ZNF521: variants seen among roughly 807,000 people sequenced by gnomAD.
ZNF521 encodes LYST-interacting protein 3.
ZNF521 carries 14 observed loss-of-function variants against 105.5 expected under a neutral mutation model. That is an observed-to-expected ratio of 0.13 (90% CI 0.09 to 0.21). ZNF521 has a LOEUF of 0.21. Among genes scored for constraint, ZNF521 ranks in the 10% least tolerant of loss-of-function variants. The probability of loss-of-function intolerance (pLI) is 1.00; values close to 1 mark genes in which losing one functional copy is unlikely to be tolerated. For synonymous variants in ZNF521, 635 were observed against 606.0 expected (o/e 1.05, Z -0.70); for missense variants, 1,233 against 1,629.7 (o/e 0.76, Z 4.19).
chr18:25,105,925 T>G (rs2034063537), intron 5 of ZNF521, among the ~76,000 whole-genome samples: 1 of 152,170 alleles, frequency 6.6e-6, no homozygotes, highest in Non-Finnish European at 1.5e-5. Context: ...TAGAAAAATA[T>G]ACTTTCAGCT....
chr18:25,125,948 T>C (rs1238696713), intron 5 of ZNF521, among the ~76,000 whole-genome samples: 1 of 152,082 alleles, frequency 6.6e-6, no homozygotes, highest in African/African-American at 2.4e-5. Flanking sequence ...GCAAGCTTTT[T>C]GGCGTCAGAA....
At chr18:25,186,986 T>C (rs558418071) in intron 5 of ZNF521, among the ~76,000 whole-genome samples, 2 of 151,984 alleles carry the variant, frequency 1.3e-5, no homozygotes, top group South Asian at 4.1e-4. Flanking sequence ...CATACTTCTG[T>C]ACGTTCCATG....
chr18:25,263,426 T>A (rs781041112), intron 3 of ZNF521, among the ~76,000 whole-genome samples: 1 of 152,130 alleles, frequency 6.6e-6, no homozygotes, highest in Non-Finnish European at 1.5e-5. Flanking sequence ...GGCACGATCT[T>A]GGCTCACTGC....
At chr18:25,287,396 G>A (rs573182891) in intron 3 of ZNF521, among the ~76,000 whole-genome samples, 1 of 152,276 alleles carries the variant, frequency 6.6e-6, no homozygotes, top group Non-Finnish European at 1.5e-5. Flanking sequence ...ACTGTCAGAG[G>A]AGTTTTTGTT....
chr18:25,262,559 A>T (rs1908983659), intron 3 of ZNF521, among the ~76,000 whole-genome samples: 1 of 152,112 alleles, frequency 6.6e-6, no homozygotes, highest in African/African-American at 2.4e-5. Context: ...TTTACTGATC[A>T]TCTACTATGA....
chr18:25,182,291 T>G (rs1600128040), intron 5 of ZNF521, among the ~76,000 whole-genome samples: 1 of 152,194 alleles, frequency 6.6e-6, no homozygotes, highest in East Asian at 1.9e-4. Context: ...TAAGCTATAA[T>G]GAGTTTTTGG....
intron 3 of ZNF521, among the ~76,000 whole-genome samples, chr18:25,255,136 T>C (rs1296764845): frequency 6.6e-6 from 1 of 152,162 alleles, no homozygotes; most frequent in Non-Finnish European, 1.5e-5. Context: ...TTGTAGCATA[T>C]GCTTTTCTTG....
chr18:25,154,156 GGTTCAA>G lies in ZNF521; in HGVS notation c.3658+40998_3658+41003del, dbSNP rs553256197. Among the ~76,000 whole-genome samples the G allele has an allele frequency of 1.1e-4, 17 of 152,204 alleles. No individual in the cohort carries two copies. In the East Asian group the frequency reaches 3.3e-3, roughly 29 times the overall value. Reference sequence around the variant, plus strand: ...TGGAAAGAATTGTTGATTTCATTCTGGTTCAAGCTATTTGGGGAAAAAAGTCCCAAA... The same window carrying G: ...TGGAAAGAATTGTTGATTTCATTCTGGCTATTTGGGGAAAAAAGTCCCAAA... On this transcript the variant is annotated intron_variant, in intron 5 of 7. Transcript: ENST00000361524.
At chr18:25,079,790 G>T (rs571587007) in intron 7 of ZNF521, among the ~76,000 whole-genome samples, 4 of 152,274 alleles carry the variant, frequency 2.6e-5, no homozygotes, top group African/African-American at 9.6e-5. Flanking sequence ...TGAAGTCTTG[G>T]TGCCTGTCTC....
intron 3 of ZNF521, among the ~76,000 whole-genome samples, chr18:25,287,432 C>G (rs1474322133): frequency 1.3e-5 from 2 of 152,142 alleles, no homozygotes; most frequent in African/African-American, 4.8e-5. Context: ...CTTTACTGCA[C>G]TTATAAAAAA....
chr18:25,350,398 G>A (rs1365552595), intron 2 of ZNF521, among the ~76,000 whole-genome samples: 2 of 152,188 alleles, frequency 1.3e-5, no homozygotes, highest in Non-Finnish European at 2.9e-5. Flanking sequence ...GGGCGGGCGG[G>A]AGGCGGCGGC....
At chr18:25,289,726 T>C (rs568918813) in intron 3 of ZNF521, among the ~76,000 whole-genome samples, 1 of 152,340 alleles carries the variant, frequency 6.6e-6, no homozygotes, top group East Asian at 1.9e-4. Flanking sequence ...TAGATAGTCA[T>C]TGCCTAATTA....
chr18:25,185,870 A>T (rs1458275625), intron 5 of ZNF521, among the ~76,000 whole-genome samples: 1 of 152,216 alleles, frequency 6.6e-6, no homozygotes, highest in Admixed American at 6.5e-5. Context: ...ATCTGGATTA[A>T]AACATCCTTT....
intron 4 of ZNF521, among the ~76,000 whole-genome samples, chr18:25,197,321 A>C (rs2035919278): frequency 6.6e-6 from 1 of 151,898 alleles, no homozygotes; most frequent in Non-Finnish European, 1.5e-5. Context: ...ATTTTAAAAT[A>C]CTGAAGCTTG....
chr18:25,235,917 G>T (rs1349995328), intron 3 of ZNF521, among the ~76,000 whole-genome samples: 1 of 145,412 alleles, frequency 6.9e-6, no homozygotes. Flanking sequence ...CAAAGATTAG[G>T]GGGGAACTAT....
intron 5 of ZNF521, among the ~76,000 whole-genome samples, chr18:25,101,320 C>T (rs994458744): frequency 2.0e-5 from 3 of 152,100 alleles, no homozygotes; most frequent in African/African-American, 7.2e-5. Context: ...GGGACTTGTG[C>T]ATGCATGGAA....
chr18:25,327,348 T>C, intron 2 of ZNF521: 2 of 864,774 alleles, frequency 2.3e-6, no homozygotes, highest in Non-Finnish European at 2.9e-6. Flanking sequence ...AACCATCTTG[T>C]ACTAAACGTA....
intron 5 of ZNF521, among the ~76,000 whole-genome samples, chr18:25,166,021 C>T (rs1354161258): frequency 1.3e-5 from 2 of 152,176 alleles, no homozygotes; most frequent in African/African-American, 2.4e-5. Context: ...AAACCACCAA[C>T]CGCTTCTAGT....
At chr18:25,240,472 G>C (rs1009496874) in intron 3 of ZNF521, among the ~76,000 whole-genome samples, 1 of 152,148 alleles carries the variant, frequency 6.6e-6, no homozygotes, top group Non-Finnish European at 1.5e-5. Context: ...CCCCAGATAT[G>C]CCTGAATGCT....
Sources: allele counts gnomAD v4.1 joint callset (sites outside exome capture counted in the v4.1 genomes callset), GRCh38; gene constraint gnomAD v4.1.1; transcripts MANE v1.5; gene names NCBI Gene and HGNC (gene_info 2026-07-23, HGNC 2026-07-21).